ULK4: variants seen among roughly 807,000 people sequenced by gnomAD.
The protein encoded by ULK4 is inactive serine/threonine-protein kinase ULK4.
A neutral mutation model predicts 160.6 loss-of-function variants in ULK4; 133 were observed. The ratio of observed to expected loss-of-function variants is 0.83; its 90% CI spans 0.72 to 0.96. The LOEUF is 0.96. ULK4 is among the 40% of genes least tolerant of loss of function. The pLI is 0.00. For synonymous variants in ULK4, 534 were observed against 539.8 expected, an observed-to-expected ratio of 0.99 and a Z score of 0.15; for missense variants, 1,580 against 1,499.5, an observed-to-expected ratio of 1.05 and a Z score of -0.89.
At chr3:41,804,440 C>A (rs997525682) in intron 19 of ULK4, among the ~76,000 whole-genome samples, 2 of 151,766 alleles carry the variant, frequency 1.3e-5, no homozygotes, top group Non-Finnish European at 1.5e-5. Flanking sequence ...GTTGCCTGTT[C>A]ACTCTGATGG....
At chr3:41,508,915 A>G (rs1411216370) in intron 32 of ULK4, among the ~76,000 whole-genome samples, 1 of 152,164 alleles carries the variant, frequency 6.6e-6, no homozygotes, top group African/African-American at 2.4e-5. Context: ...AAAACAAGGT[A>G]GATTAACACC....
intron 34 of ULK4, 116 bp from the exon 35 acceptor site, chr3:41,398,380 CTTT>C (rs2082110217): frequency 1.0e-6 from 1 of 956,972 alleles, no homozygotes; most frequent in South Asian, 1.7e-5. Context: ...CTGCTGAATA[CTTT>C]TTTACTTTTT....
At chr3:41,431,506 T>C (rs1457485754) in intron 34 of ULK4, among the ~76,000 whole-genome samples, 5 of 148,524 alleles carry the variant, frequency 3.4e-5, no homozygotes, top group Admixed American at 1.4e-4. Context: ...ATTAATCTTT[T>C]AGCCTTCTCA....
At chr3:41,471,455 T>C (rs1291271162) in intron 32 of ULK4, among the ~76,000 whole-genome samples, 1 of 152,142 alleles carries the variant, frequency 6.6e-6, no homozygotes, top group African/African-American at 2.4e-5. Flanking sequence ...CAGAAATTAA[T>C]AAGAAAACAC....
In ULK4 at chr3:41,957,980, G is replaced by T. The variant is rs531450091; in HGVS notation, c.-48-3173C>A. On this transcript the variant is annotated intron_variant, in intron 1 of 36. Coordinates refer to ENST00000301831, the MANE Select transcript of ULK4 (RefSeq NM_017886.4). Reference sequence around the variant, plus strand: ...GATAGCTTGAACCCGGGAGGCAGAGGTTGCAGTGAGCCAAGATCTCACCAC... The same window carrying T: ...GATAGCTTGAACCCGGGAGGCAGAGTTTGCAGTGAGCCAAGATCTCACCAC... Among the ~76,000 whole-genome samples the T allele has an allele frequency of 2.4e-3, 364 of 151,186 alleles. 1 individual carries two copies. Among genetic ancestry groups the T allele is most frequent in the African/African-American group, 8.6e-3 (354 of 41,112 alleles).
intron 35 of ULK4, among the ~76,000 whole-genome samples, chr3:41,313,146 G>A (rs972343921): frequency 2.0e-5 from 3 of 152,102 alleles, no homozygotes; most frequent in African/African-American, 7.2e-5. Context: ...ACACCATGAG[G>A]AATGAAAAGA....
At chr3:41,795,853 T>C (rs1025877157) in intron 20 of ULK4, among the ~76,000 whole-genome samples, 1 of 152,164 alleles carries the variant, frequency 6.6e-6, no homozygotes, top group African/African-American at 2.4e-5. Flanking sequence ...GTGGCCTGGA[T>C]TATGGAAGTA....
intron 36 of ULK4, among the ~76,000 whole-genome samples, chr3:41,247,833 C>A (rs968882156): frequency 6.6e-6 from 1 of 152,240 alleles, no homozygotes; most frequent in Admixed American, 6.5e-5. Context: ...AAACTACTGG[C>A]AGAGCAGCAT....
chr3:41,919,706 G>A lies in ULK4; in HGVS notation c.643+11C>T, dbSNP rs557035676. 2 of 1,610,682 alleles carry A rather than the reference G, an allele frequency of 1.2e-6. No homozygotes were observed. The highest frequency in any genetic ancestry group is 1.3e-5 in the African/African-American group (1 of 74,952). On this transcript the variant is annotated intron_variant, in intron 6 of 36. Coordinates refer to ENST00000301831, the MANE Select transcript of ULK4 (RefSeq NM_017886.4). Reference sequence around the variant, plus strand: ...CAGCTCTGATTTTATACCTATTCAGGAAACAATTACCTGAAAACATTTCAT... The same window carrying A: ...CAGCTCTGATTTTATACCTATTCAGAAAACAATTACCTGAAAACATTTCAT...
At chr3:41,917,393 A>G (rs1354667793) in intron 7 of ULK4, among the ~76,000 whole-genome samples, 2 of 152,128 alleles carry the variant, frequency 1.3e-5, no homozygotes, top group African/African-American at 4.8e-5. Context: ...AGTCCCGGCT[A>G]CTTGGGAGGT....
chr3:41,845,557 AG>A (rs2042051335), intron 17 of ULK4, among the ~76,000 whole-genome samples: 1 of 152,202 alleles, frequency 6.6e-6, no homozygotes, highest in South Asian at 2.1e-4. Context: ...GGTCATAAAA[AG>A]GGAATATGAG....
rs373157343 is a variant in ULK4 at position 41,494,810 on chromosome 3, G to T, written c.3227-31557C>A. Among the ~76,000 whole-genome samples, 949 of 151,962 alleles carry T rather than the reference G, an allele frequency of 6.2e-3. 13 individuals carry two copies. Among genetic ancestry groups the T allele is most frequent in the African/African-American group, 0.021 (863 of 41,462 alleles). On this transcript the variant is annotated intron_variant, in intron 32 of 36. Transcript: ENST00000301831. ...AACAGACAAACAGAGAGCCAAATCAGGAGTGAACTCCCATTCACAATTGCT... is the reference window on the plus strand; with the variant it reads ...AACAGACAAACAGAGAGCCAAATCATGAGTGAACTCCCATTCACAATTGCT...
At chr3:41,700,770 C>A (rs1435583276) in intron 27 of ULK4, among the ~76,000 whole-genome samples, 1 of 152,114 alleles carries the variant, frequency 6.6e-6, no homozygotes, top group African/African-American at 2.4e-5. Flanking sequence ...TCATAGTCTT[C>A]TGATATTAGA....
intron 32 of ULK4, among the ~76,000 whole-genome samples, chr3:41,562,954 A>G (rs1384325278): frequency 2.0e-5 from 3 of 152,178 alleles, no homozygotes; most frequent in Non-Finnish European, 4.4e-5. Context: ...TCTTCATAGC[A>G]TCGATGGTGT....
intron 35 of ULK4, among the ~76,000 whole-genome samples, chr3:41,379,711 C>T (rs1013164150): frequency 6.6e-6 from 1 of 152,110 alleles, no homozygotes; most frequent in African/African-American, 2.4e-5. Flanking sequence ...TTACTCATCA[C>T]CCCTACAAGC....
chr3:41,896,564 T>C (rs1459768427), intron 15 of ULK4, among the ~76,000 whole-genome samples: 1 of 151,776 alleles, frequency 6.6e-6, no homozygotes, highest in Non-Finnish European at 1.5e-5. Context: ...TGATTTCAGA[T>C]TTTTTTTTAA....
intron 5 of ULK4, among the ~76,000 whole-genome samples, chr3:41,929,397 CA>C (rs1378788407): frequency 1.3e-5 from 2 of 152,068 alleles, no homozygotes; most frequent in Non-Finnish European, 2.9e-5. Flanking sequence ...ACGGAATGGA[CA>C]AAAAAGGAAA....
chr3:41,543,716 C>T (rs1457759124), intron 32 of ULK4, among the ~76,000 whole-genome samples: 1 of 152,054 alleles, frequency 6.6e-6, no homozygotes, highest in South Asian at 2.1e-4. Flanking sequence ...ATAGTATGCC[C>T]TTATAATCCT....
At position 41,419,008 on chromosome 3, in the gene ULK4, C is replaced by T. The variant is rs2082596236; in HGVS notation, c.3493-20744G>A. On this transcript the variant is annotated intron_variant, in intron 34 of 36. Transcript: ENST00000301831. ...TCATGTGAATGTTGGAGGAAAGAGT[C>T]TTACGAGGTTAGAACACCAAGTTCA... Among the ~76,000 whole-genome samples, 4 of 152,256 alleles carry T rather than the reference C, an allele frequency of 2.6e-5. No individual in the cohort carries two copies. The South Asian group carries it at 8.3e-4, about 32-fold the overall frequency.
Sources: allele counts gnomAD v4.1 joint callset (sites outside exome capture counted in the v4.1 genomes callset), GRCh38; gene constraint gnomAD v4.1.1; transcripts MANE v1.5; gene names NCBI Gene and HGNC (gene_info 2026-07-23, HGNC 2026-07-21).